The following NDST1 variants were observed in gnomAD, a reference collection of about 807,000 sequenced individuals.
The protein encoded by NDST1 is bifunctional heparan sulfate N-deacetylase/N-sulfotransferase 1.
A neutral mutation model predicts 92.8 loss-of-function variants in NDST1; 35 were observed. That is an observed-to-expected ratio of 0.38 (90% CI 0.29 to 0.50). The LOEUF (loss-of-function observed/expected upper bound fraction) is 0.50, where lower values mean the gene tolerates loss of function less well. Among genes scored for constraint, NDST1 ranks in the 20% least tolerant of loss-of-function variants. NDST1 has a pLI of 0.94. For synonymous variants in NDST1, 493 were observed against 500.3 expected, an observed-to-expected ratio of 0.99 and a Z score of 0.19; for missense variants, 822 against 1,182.7, an observed-to-expected ratio of 0.69 and a Z score of 4.47.
intron 4 of NDST1, 109 bp downstream of exon 4, chr5:150,533,141 T>C (rs1754819873): frequency 1.4e-5 from 15 of 1,103,536 alleles, no homozygotes; most frequent in Non-Finnish European, 1.9e-5. Context: ...TGGCCCACAT[T>C]AGAGGCAGAG....
At chr5:150,530,557 ATTTT>A (rs71589713) in intron 3 of NDST1, among the ~76,000 whole-genome samples, 1,915 of 127,184 alleles carry the variant, frequency 0.015, 44 homozygotes, top group African/African-American at 0.059. Context: ...CGTATTTTAA[ATTTT>A]TTTTTTTTTT....
chr5:150,553,387 A>G lies in NDST1; in HGVS notation c.*55A>G, dbSNP rs1182916391. 6.3e-7 allele frequency: 1 copy of G among 1,598,380 alleles called. No individual in the cohort carries two copies. The highest frequency in any genetic ancestry group is 8.5e-7 in the Non-Finnish European group (1 of 1,169,712). ...TGTGAAAGCTGGGACATCCCACCAC[A>G]CGCTGAGCCAGACCTGCAGAGTGGG... On this transcript the variant is annotated 3_prime_UTR_variant, in exon 15 of 15. Transcript: ENST00000261797. This position sits in a 1 kb window ranked among gnomAD's most constrained non-coding sequence, Gnocchi z 4.2.
In NDST1 at chr5:150,540,114, T is replaced by C. The variant is rs1419476288; in HGVS notation, c.1599T>C (p.Tyr533=). 1.9e-6 allele frequency: 3 copies of C among 1,614,188 alleles called. No homozygotes were observed. The highest frequency in any genetic ancestry group is 2.2e-5 in the East Asian group (1 of 44,876). Residue 533 remains tyrosine (Y), a synonymous_variant, in exon 8 of 15, where the codon TAT becomes TAC. Transcript: ENST00000261797. ...ISIFMTHLSN[Y]GNDRLGLYTF... is the part of the protein sequence containing the mutation. Reference sequence around the variant, plus strand: ...TCTTCATGACGCACCTGTCCAACTATGGGAATGACCGCCTGGGCCTGTACA... The same window carrying C: ...TCTTCATGACGCACCTGTCCAACTACGGGAATGACCGCCTGGGCCTGTACA...
At chr5:150,537,378 CA>C (rs1755040021) in intron 6 of NDST1, among the ~76,000 whole-genome samples, 1 of 152,232 alleles carries the variant, frequency 6.6e-6, no homozygotes, top group Admixed American at 6.5e-5. Context: ...TTCTTTTTCT[CA>C]GCAAGAAACA....
upstream of NDST1, among the ~76,000 whole-genome samples, chr5:150,504,525 C>T (rs1418253707): frequency 6.6e-6 from 1 of 152,156 alleles, no homozygotes; most frequent in African/African-American, 2.4e-5. Flanking sequence ...CTGCCAGATG[C>T]ACACACTATT....
chr5:150,526,440 C>T lies in NDST1; in HGVS notation c.514-1364C>T, dbSNP rs112620517. Among the ~76,000 whole-genome samples the T allele has an allele frequency of 5.7e-3, 871 of 152,296 alleles. 8 individuals carry two copies. Among genetic ancestry groups the T allele is most frequent in the African/African-American group, 0.019 (805 of 41,560 alleles). ...ATGAACAGATGAAACCTGTATTGAG[C>T]GTCTATCTATGCCAGGTACTAGAGA... On this transcript the variant is annotated intron_variant, in intron 2 of 14. Coordinates refer to ENST00000261797, the MANE Select transcript of NDST1 (RefSeq NM_001543.5).
At chr5:150,549,577 G>C in intron 12 of NDST1, 101 bp from the exon 13 acceptor site, 1 of 736,386 alleles carries the variant, frequency 1.4e-6, no homozygotes, top group Non-Finnish European at 2.5e-6. Context: ...GAGGGTGCAG[G>C]GTCCCATATT....
In NDST1 at chr5:150,553,506, G is replaced by A. The variant is rs556780048; in HGVS notation, c.*174G>A. The stretch of plus-strand genomic sequence containing the variant: ...ACCCAGGCGGATCTGCAAGCACCTC[G>A]GAGCACCCACCGCTGGGTCTGCGGC... On this transcript the variant is annotated 3_prime_UTR_variant, in exon 15 of 15. Transcript: ENST00000261797. The surrounding 1 kb of genome is among the most constrained non-coding windows in gnomAD (Gnocchi z 4.2). The A allele has an allele frequency of 4.0e-4, 343 of 862,884 alleles. No homozygotes were observed. Among genetic ancestry groups the A allele is most frequent in the Non-Finnish European group, 5.7e-4 (301 of 532,220 alleles). 53.5% of individuals were successfully genotyped at this position (862,884 alleles called of 1,614,324 possible).
At chr5:150,516,408 T>C (rs192669066) in intron 1 of NDST1, among the ~76,000 whole-genome samples, 2 of 152,394 alleles carry the variant, frequency 1.3e-5, no homozygotes, top group Admixed American at 1.3e-4. Flanking sequence ...GGCGTGGTTC[T>C]GAGCATCTTA....
At chr5:150,512,972 G>A (rs1312867919) in intron 1 of NDST1, among the ~76,000 whole-genome samples, 1 of 152,182 alleles carries the variant, frequency 6.6e-6, no homozygotes, top group Non-Finnish European at 1.5e-5. Flanking sequence ...GGAAGCCAAG[G>A]CAGGAGGATT....
Position 150,535,835 on chromosome 5 carries a change from C to A in NDST1, c.1387C>A (p.His463Asn), listed in dbSNP as rs1340689021. Reference sequence around the variant, plus strand: ...CGTGACCAGCACGGAGGAGTACCCCCACCTGAAGCCAGCCCGCTACCGCCG... The same window carrying A: ...CGTGACCAGCACGGAGGAGTACCCCAACCTGAAGCCAGCCCGCTACCGCCG... Reference protein sequence around the residue: ...IRVTSTEEYPHLKPARYRRGF... With the variant: ...IRVTSTEEYPNLKPARYRRGF... Residue 463 changes from histidine to asparagine, a missense_variant, in exon 6 of 15, where the codon CAC becomes AAC. Coordinates refer to ENST00000261797, the MANE Select transcript of NDST1 (RefSeq NM_001543.5). The A allele has an allele frequency of 9.9e-6, 16 of 1,614,080 alleles. No homozygotes were observed. The highest frequency in any genetic ancestry group is 1.1e-5 in the Non-Finnish European group (13 of 1,180,004).
In NDST1 at chr5:150,557,322, A is replaced by G. The variant is rs539667316; in HGVS notation, c.*3990A>G. On this transcript the variant is annotated 3_prime_UTR_variant, in exon 15 of 15. Coordinates refer to ENST00000261797, the MANE Select transcript of NDST1 (RefSeq NM_001543.5). This position sits in a 1 kb window ranked among gnomAD's most constrained non-coding sequence, Gnocchi z 4.7. ...GGATGGGCCACAGGGCACCAAACAC[A>G]TCATATGTCTCTCTCTTTCTATTTT... 1.3e-5 allele frequency: 2 copies of G among 152,764 alleles called. No homozygotes were observed. Among genetic ancestry groups the G allele is most frequent in the South Asian group, 4.1e-4 (2 of 4,832 alleles). 9.5% of individuals were successfully genotyped at this position (152,764 alleles called of 1,614,324 possible).
In NDST1 at chr5:150,556,049, A is replaced by G. The variant is rs1163285869; in HGVS notation, c.*2717A>G. On this transcript the variant is annotated 3_prime_UTR_variant, in exon 15 of 15. Coordinates refer to ENST00000261797, the MANE Select transcript of NDST1 (RefSeq NM_001543.5). ...TAAGCTGCCTGGGGGGCTGTTAGCT[A>G]ATGGGTACAAGGACACCCCCTCCCG... 1 of 152,380 alleles carries G rather than the reference A, an allele frequency of 6.6e-6. No homozygotes were observed. 9.4% of individuals were successfully genotyped at this position (152,380 alleles called of 1,614,324 possible). A position where few individuals can be genotyped will look rare whatever the true frequency, so the allele number is the denominator to read the frequency against.
chr5:150,520,213 G>C (rs566106204), intron 1 of NDST1, among the ~76,000 whole-genome samples: 1 of 152,328 alleles, frequency 6.6e-6, no homozygotes, highest in African/African-American at 2.4e-5. Context: ...TGGTGTTACA[G>C]ATTAGCTCAC....
upstream of NDST1, among the ~76,000 whole-genome samples, chr5:150,504,737 G>C (rs181725994): frequency 1.1e-3 from 166 of 152,332 alleles, 1 homozygote; most frequent in African/African-American, 3.4e-3. Context: ...AATGAAAACA[G>C]TAGCAATACT....
chr5:150,505,850 G>C (rs1753429721), upstream of NDST1, among the ~76,000 whole-genome samples: 1 of 152,118 alleles, frequency 6.6e-6, no homozygotes, highest in Non-Finnish European at 1.5e-5. Flanking sequence ...TGCAGTTGTA[G>C]CTCACTGCGG....
intron 6 of NDST1, among the ~76,000 whole-genome samples, 164 bp from the exon 7 acceptor site, chr5:150,539,064 G>C (rs939521222): frequency 1.3e-5 from 2 of 152,164 alleles, no homozygotes; most frequent in African/African-American, 4.8e-5. Flanking sequence ...TAGTTCACTG[G>C]GGGGAACGCT....
At chr5:150,535,581 C>T in intron 5 of NDST1, 119 bp from the exon 6 acceptor site, 1 of 1,324,974 alleles carries the variant, frequency 7.5e-7, no homozygotes. Flanking sequence ...CATGAAGTCT[C>T]AGACCAGCAG....
chr5:150,525,378 G>T (rs1394051279), intron 2 of NDST1, among the ~76,000 whole-genome samples: 1 of 152,210 alleles, frequency 6.6e-6, no homozygotes, highest in Non-Finnish European at 1.5e-5. Context: ...CAGCACCCGC[G>T]GTCCAGTGTG....
Sources: allele counts gnomAD v4.1 joint callset (sites outside exome capture counted in the v4.1 genomes callset), GRCh38; gene constraint gnomAD v4.1.1; non-coding constraint Gnocchi (gnomAD v3.1); transcripts MANE v1.5; gene names NCBI Gene and HGNC (gene_info 2026-07-23, HGNC 2026-07-21).